RAB31: variants seen among roughly 807,000 people sequenced by gnomAD.
RAB31 encodes ras-related protein Rab-31.
In RAB31, 21 loss-of-function variants were observed where a neutral mutation model predicts 25.6. That is an observed-to-expected ratio of 0.82 (90% confidence interval 0.58 to 1.18). The LOEUF (loss-of-function observed/expected upper bound fraction) is 1.18. RAB31 is among the 50% of genes most tolerant of loss of function. The pLI, the probability that RAB31 is intolerant of heterozygous loss-of-function variation, is 0.00. For synonymous variants in RAB31, 87 were observed against 84.0 expected (o/e 1.04, Z -0.20); for missense variants, 196 against 250.1 (o/e 0.78, Z 1.46).
intron 1 of RAB31, among the ~76,000 whole-genome samples, chr18:9,711,042 T>C (rs997345714): frequency 1.5e-4 from 23 of 152,162 alleles, no homozygotes; most frequent in African/African-American, 4.6e-4. Context: ...CTCGTTTGGC[T>C]GGCTCTTTCC....
intron 1 of RAB31, among the ~76,000 whole-genome samples, chr18:9,726,679 A>G: frequency 6.6e-6 from 1 of 152,176 alleles, no homozygotes; most frequent in Non-Finnish European, 1.5e-5. Flanking sequence ...AAAGGTGCTG[A>G]GTAATAGCTT....
chr18:9,741,879 C>T (rs752628952), intron 1 of RAB31, among the ~76,000 whole-genome samples: 6 of 152,246 alleles, frequency 3.9e-5, no homozygotes, highest in Non-Finnish European at 5.9e-5. Flanking sequence ...TCCACTGCCT[C>T]ATCCAGGTTT....
chr18:9,823,317 C>T (rs1047229847), intron 5 of RAB31, among the ~76,000 whole-genome samples: 3 of 151,896 alleles, frequency 2.0e-5, no homozygotes, highest in Non-Finnish European at 4.4e-5. Flanking sequence ...CCTGTGGTGT[C>T]GGCACTGCTT....
At chr18:9,712,404 T>C (rs887178341) in intron 1 of RAB31, among the ~76,000 whole-genome samples, 2 of 152,200 alleles carry the variant, frequency 1.3e-5, no homozygotes, top group Non-Finnish European at 2.9e-5. Context: ...GTGTGCTTGA[T>C]AGGGGGAAGC....
intron 1 of RAB31, among the ~76,000 whole-genome samples, chr18:9,715,644 C>T (rs1328307370): frequency 6.6e-6 from 1 of 151,762 alleles, no homozygotes; most frequent in Non-Finnish European, 1.5e-5. Flanking sequence ...ATTCTCTTGC[C>T]TCAGTCTCCT....
intron 4 of RAB31, 33 bp from the exon 5 acceptor site, chr18:9,815,083 C>T: frequency 7.1e-7 from 1 of 1,413,248 alleles, no homozygotes; most frequent in South Asian, 1.2e-5. Context: ...ATTGAGGGGT[C>T]TTTCTAATGA....
chr18:9,729,124 G>C (rs1390589860), intron 1 of RAB31, among the ~76,000 whole-genome samples: 1 of 152,034 alleles, frequency 6.6e-6, no homozygotes, highest in African/African-American at 2.4e-5. Context: ...ACTGTTTACT[G>C]TCTTTTAAAA....
At chr18:9,811,583 C>A (rs554857743) in intron 3 of RAB31, among the ~76,000 whole-genome samples, 1 of 152,162 alleles carries the variant, frequency 6.6e-6, no homozygotes, top group Non-Finnish European at 1.5e-5. Flanking sequence ...AACTTAAAAA[C>A]CATATTATTT....
chr18:9,858,300 A>T (rs2068829514), intron 6 of RAB31, among the ~76,000 whole-genome samples: 1 of 152,232 alleles, frequency 6.6e-6, no homozygotes, highest in Non-Finnish European at 1.5e-5. Context: ...CGAGGTGAGG[A>T]TGGTGTTTGT....
intron 1 of RAB31, among the ~76,000 whole-genome samples, chr18:9,718,791 A>G (rs562859190): frequency 1.3e-5 from 2 of 152,164 alleles, no homozygotes; most frequent in East Asian, 1.9e-4. Context: ...CCATTGGGTA[A>G]GGGAGCTCCC....
intron 1 of RAB31, among the ~76,000 whole-genome samples, chr18:9,753,577 A>G (rs1568170280): frequency 6.6e-6 from 1 of 152,196 alleles, no homozygotes; most frequent in African/African-American, 2.4e-5. Flanking sequence ...CAGAAAATGG[A>G]TGGAGACAGA....
chr18:9,840,487 C>T (rs1446182471), intron 5 of RAB31, among the ~76,000 whole-genome samples: 1 of 152,174 alleles, frequency 6.6e-6, no homozygotes, highest in Non-Finnish European at 1.5e-5. Context: ...AGTGGCCTCT[C>T]CTGAAGTGCA....
intron 1 of RAB31, among the ~76,000 whole-genome samples, chr18:9,748,960 G>A (rs2068220266): frequency 6.6e-6 from 1 of 152,070 alleles, no homozygotes; most frequent in African/African-American, 2.4e-5. Flanking sequence ...GTATAGAAAG[G>A]TACAGACTGG....
intron 3 of RAB31, among the ~76,000 whole-genome samples, chr18:9,808,783 C>T (rs980846356): frequency 2.0e-5 from 3 of 152,204 alleles, no homozygotes; most frequent in African/African-American, 7.2e-5. Context: ...CCCATCACTC[C>T]GAGTTCCTGG....
chr18:9,807,311 G>A (rs972031497), intron 3 of RAB31, among the ~76,000 whole-genome samples: 1 of 152,216 alleles, frequency 6.6e-6, no homozygotes, highest in African/African-American at 2.4e-5. Flanking sequence ...AACATGGTAC[G>A]CTTACTGTGA....
At chr18:9,846,460 C>T (rs527908607) in intron 6 of RAB31, among the ~76,000 whole-genome samples, 1 of 152,324 alleles carries the variant, frequency 6.6e-6, no homozygotes, top group Non-Finnish European at 1.5e-5. Context: ...CTCTGAGACA[C>T]CCTCAGGAAA....
chr18:9,748,141 T>C (rs1405556179), intron 1 of RAB31, among the ~76,000 whole-genome samples: 1 of 152,198 alleles, frequency 6.6e-6, no homozygotes, highest in Non-Finnish European at 1.5e-5. Context: ...GATTAGGTGA[T>C]GGTCATTCTA....
chr18:9,765,426 C>T (rs548375945), intron 1 of RAB31, among the ~76,000 whole-genome samples: 1 of 152,232 alleles, frequency 6.6e-6, no homozygotes, highest in Admixed American at 6.5e-5. Flanking sequence ...GCTCTCTCTA[C>T]CCCAAAAGGA....
intron 2 of RAB31, among the ~76,000 whole-genome samples, chr18:9,789,768 T>G (rs1194202393): frequency 6.6e-6 from 1 of 152,224 alleles, no homozygotes; most frequent in Non-Finnish European, 1.5e-5. Flanking sequence ...CCCGGTAGTC[T>G]GGATATACAT....
Sources: allele counts gnomAD v4.1 joint callset (sites outside exome capture counted in the v4.1 genomes callset), GRCh38; gene constraint gnomAD v4.1.1; transcripts MANE v1.5; gene names NCBI Gene and HGNC (gene_info 2026-07-23, HGNC 2026-07-21).